The following SLCO2A1 variants were observed in gnomAD, a reference collection of about 807,000 sequenced individuals.
SLCO2A1 encodes solute carrier organic anion transporter family member 2A1.
SLCO2A1 carries 60 observed loss-of-function variants against 71.7 expected under a neutral mutation model. The ratio of observed to expected loss-of-function variants is 0.84; its 90% CI spans 0.68 to 1.04. The LOEUF (loss-of-function observed/expected upper bound fraction) is 1.04, where lower values mean the gene tolerates loss of function less well. Among genes scored for constraint, SLCO2A1 ranks in the 50% least tolerant of loss-of-function variants. The pLI is 0.00. For synonymous variants in SLCO2A1, 308 were observed against 326.7 expected, an observed-to-expected ratio of 0.94 and a Z score of 0.62; for missense variants, 745 against 813.4, an observed-to-expected ratio of 0.92 and a Z score of 1.02.
In SLCO2A1 at chr3:133,947,263, G is replaced by T; in HGVS notation, c.1288C>A (p.Pro430Thr). 6.2e-7 allele frequency: 1 copy of T among 1,613,904 alleles called. No homozygotes were observed. Among genetic ancestry groups the T allele is most frequent in the Non-Finnish European group, 8.5e-7 (1 of 1,179,908 alleles). Reference sequence around the variant, plus strand: ...ACCCCTTATTCCCATTACCTAGGGGGGTAGACTTCGGCCACAGTTGGGGTG... The same window carrying T: ...ACCCCTTATTCCCATTACCTAGGGGTGTAGACTTCGGCCACAGTTGGGGTG... ...CSTPTVAEVY[P>T]PSTSSSIHPQ... Residue 430 changes from proline to threonine, a missense_variant, in exon 9 of 14, where the codon CCC becomes ACC. By Grantham distance (38) the Pro-to-Thr change is conservative. Transcript: ENST00000310926.
chr3:134,011,102 G>C (rs925528268), intron 1 of SLCO2A1, among the ~76,000 whole-genome samples: 1 of 152,178 alleles, frequency 6.6e-6, no homozygotes, highest in African/African-American at 2.4e-5. Flanking sequence ...CCAGGCTGGA[G>C]TGCAATGGCG....
intron 1 of SLCO2A1, among the ~76,000 whole-genome samples, chr3:134,005,183 T>G (rs1935181467): frequency 6.6e-6 from 1 of 152,258 alleles, no homozygotes; most frequent in Non-Finnish European, 1.5e-5. Context: ...GTGCATTCTG[T>G]ATATTCGTCC....
intron 1 of SLCO2A1, among the ~76,000 whole-genome samples, chr3:134,005,720 A>G (rs899946164): frequency 1.3e-5 from 2 of 152,020 alleles, no homozygotes; most frequent in Middle Eastern, 3.2e-3. Flanking sequence ...TGACCACGTG[A>G]TCCACCGGCC....
chr3:133,976,195 T>C (rs1210422072), intron 2 of SLCO2A1, among the ~76,000 whole-genome samples: 2 of 152,204 alleles, frequency 1.3e-5, no homozygotes, highest in African/African-American at 4.8e-5. Flanking sequence ...TGTGAAGGTG[T>C]GTGAGAGGCA....
rs544560956 is a variant in SLCO2A1 at position 133,995,083 on chromosome 3, G to C, written c.97-15465C>G. ...TTTCACAAGCTAGGTGCACCCGAGG[G>C]ACTGGTACCCAGATGAAGAAAGAGA... On this transcript the variant is annotated intron_variant, in intron 1 of 13. Coordinates refer to ENST00000310926, the MANE Select transcript of SLCO2A1 (RefSeq NM_005630.3). Among the ~76,000 whole-genome samples, 115 of 152,118 alleles carry C rather than the reference G, an allele frequency of 7.6e-4. 1 individual carries two copies. Among genetic ancestry groups the C allele is most frequent in the African/African-American group, 2.5e-3 (103 of 41,476 alleles).
intron 3 of SLCO2A1, among the ~76,000 whole-genome samples, chr3:133,966,433 C>T (rs989157883): frequency 7.2e-5 from 11 of 152,134 alleles, no homozygotes; most frequent in East Asian, 1.9e-4. Context: ...CAGCACAAGA[C>T]GATGAGAGGG....
At chr3:133,974,346 C>G (rs528950685) in intron 2 of SLCO2A1, among the ~76,000 whole-genome samples, 6 of 152,318 alleles carry the variant, frequency 3.9e-5, no homozygotes, top group Admixed American at 3.3e-4. Flanking sequence ...TGAAACAATT[C>G]TCATTTTATC....
At position 133,934,752 on chromosome 3, in the gene SLCO2A1, GTTC is replaced by G. The variant is rs757615754; in HGVS notation, c.1890_1892del (p.Lys630del). On this transcript the variant is annotated inframe_deletion, in exon 14 of 14. Transcript: ENST00000310926. ...CCGCCTTCTGCACGTTGTACTCCTT[GTTC>G]TTCTTCACCCTCCAGCTGATGAAGC... The G allele has an allele frequency of 3.1e-6, 5 of 1,613,564 alleles. No homozygotes were observed. In the Middle Eastern group the frequency reaches 5.0e-4, roughly 162 times the overall value.
intron 1 of SLCO2A1, chr3:133,998,741 C>T (rs1935036441): frequency 1.3e-5 from 2 of 152,248 alleles, no homozygotes; most frequent in South Asian, 4.1e-4. Context: ...AGTGGGTCTA[C>T]AGACATTTCT....
intron 1 of SLCO2A1, among the ~76,000 whole-genome samples, chr3:133,987,250 G>C (rs1934739411): frequency 6.6e-6 from 1 of 150,380 alleles, no homozygotes; most frequent in South Asian, 2.1e-4. Flanking sequence ...TCGACAGGAA[G>C]TGGGGGTCAG....
intron 12 of SLCO2A1, 93 bp from the exon 13 acceptor site, chr3:133,935,990 A>T: frequency 7.5e-7 from 1 of 1,334,968 alleles, no homozygotes; most frequent in Non-Finnish European, 9.9e-7. Flanking sequence ...CACAGTTCAC[A>T]TACATGAGAA....
At chr3:133,992,107 T>C (rs1478661771) in intron 1 of SLCO2A1, among the ~76,000 whole-genome samples, 1 of 152,200 alleles carries the variant, frequency 6.6e-6, no homozygotes, top group African/African-American at 2.4e-5. Context: ...ACTTTTTTAG[T>C]TTAGTACGCT....
intron 3 of SLCO2A1, among the ~76,000 whole-genome samples, chr3:133,959,896 A>G (rs1253297298): frequency 1.3e-5 from 2 of 151,966 alleles, no homozygotes; most frequent in East Asian, 1.9e-4. Flanking sequence ...TGAGGCGGGC[A>G]GATCACAAGG....
intron 1 of SLCO2A1, among the ~76,000 whole-genome samples, chr3:133,980,863 A>G (rs1934572429): frequency 1.3e-5 from 2 of 152,150 alleles, no homozygotes; most frequent in African/African-American, 4.8e-5. Flanking sequence ...CTTTACACCC[A>G]CAAAACCAGA....
chr3:133,985,845 C>CT (rs1559946897), intron 1 of SLCO2A1, among the ~76,000 whole-genome samples: 1 of 152,228 alleles, frequency 6.6e-6, no homozygotes, highest in African/African-American at 2.4e-5. Flanking sequence ...AGGCTGCAGA[C>CT]TTGTTCCAGT....
intron 1 of SLCO2A1, among the ~76,000 whole-genome samples, chr3:134,017,742 A>C (rs1210078488): frequency 1.3e-5 from 2 of 152,198 alleles, no homozygotes; most frequent in Non-Finnish European, 2.9e-5. Context: ...GAGCAGGATA[A>C]AACTAAGTGG....
chr3:134,019,121 T>C (rs1286025406), intron 1 of SLCO2A1, among the ~76,000 whole-genome samples: 1 of 152,126 alleles, frequency 6.6e-6, no homozygotes, highest in African/African-American at 2.4e-5. Context: ...GCTAAACCAG[T>C]GTTAAACAGC....
chr3:133,998,152 C>G (rs1935018824), intron 1 of SLCO2A1, among the ~76,000 whole-genome samples: 1 of 152,222 alleles, frequency 6.6e-6, no homozygotes, highest in African/African-American at 2.4e-5. Flanking sequence ...AATCCTGTCC[C>G]TTCCAGCGCA....
intron 1 of SLCO2A1, among the ~76,000 whole-genome samples, chr3:134,014,683 C>A (rs1208409199): frequency 6.6e-6 from 1 of 152,172 alleles, no homozygotes; most frequent in Non-Finnish European, 1.5e-5. Flanking sequence ...CCTCAGAGAT[C>A]ACTGAGCTCA....
Sources: allele counts gnomAD v4.1 joint callset (sites outside exome capture counted in the v4.1 genomes callset), GRCh38; gene constraint gnomAD v4.1.1; transcripts MANE v1.5; gene names NCBI Gene and HGNC (gene_info 2026-07-23, HGNC 2026-07-21).